Variants in TMEFF2 observed in about 807,000 individuals in gnomAD.
The protein encoded by TMEFF2 is tomoregulin-2.
Under a neutral mutation model 53.8 loss-of-function variants are expected in TMEFF2, and 28 were observed. The observed-to-expected ratio is 0.52, with a 90% CI of 0.39 to 0.71. The LOEUF (loss-of-function observed/expected upper bound fraction) is 0.71. TMEFF2 is among the 30% of genes least tolerant of loss of function. The pLI, the probability that TMEFF2 is intolerant of heterozygous loss-of-function variation, is 0.00. For missense variants in TMEFF2, 353 were observed against 455.2 expected, an observed-to-expected ratio of 0.78 and a Z score of 2.04; for synonymous variants, 162 against 166.3, an observed-to-expected ratio of 0.97 and a Z score of 0.20.
chr2:191,953,610 G>A, intron 9 of TMEFF2, 69 bp downstream of exon 9: 4 of 1,554,006 alleles, frequency 2.6e-6, no homozygotes, highest in Non-Finnish European at 3.5e-6. Context: ...CACCTCGGAG[G>A]GATCTGATTA....
At chr2:192,003,717 T>C (rs1247968514) in intron 5 of TMEFF2, among the ~76,000 whole-genome samples, 1 of 152,200 alleles carries the variant, frequency 6.6e-6, no homozygotes, top group African/African-American at 2.4e-5. Flanking sequence ...ACATGAAAAC[T>C]AATATTTACA....
intron 5 of TMEFF2, chr2:192,028,653 T>C (rs190862702): frequency 1.3e-5 from 2 of 152,102 alleles, no homozygotes. Context: ...TAGGCAGAGT[T>C]GGTAGAATGC....
chr2:192,103,737 T>C (rs948694897), intron 4 of TMEFF2, among the ~76,000 whole-genome samples: 17 of 151,990 alleles, frequency 1.1e-4, no homozygotes, highest in Middle Eastern at 3.4e-3. Flanking sequence ...ATCAAAGCAA[T>C]GGTGGGGTCA....
chr2:191,998,327 T>C lies in TMEFF2; in HGVS notation c.686-6A>G. ...AGTAGTTGTAGTTGTGTTATCTGTG[T>C]TAAAAAATTAACAATAAAAATTGAT... On this transcript the variant is annotated splice_region_variant and splice_polypyrimidine_tract_variant and intron_variant, in intron 6 of 9. Coordinates refer to ENST00000272771, the MANE Select transcript of TMEFF2 (RefSeq NM_016192.4). 1 of 1,589,264 alleles carries C rather than the reference T, an allele frequency of 6.3e-7. No homozygotes were observed. Among genetic ancestry groups the C allele is most frequent in the East Asian group, 2.3e-5 (1 of 44,100 alleles).
chr2:192,193,757 TA>T (rs1215880854), intron 1 of TMEFF2, among the ~76,000 whole-genome samples: 3 of 26,632 alleles, frequency 1.1e-4, no homozygotes, highest in African/African-American at 3.2e-4. Context: ...GAGAGATAGA[TA>T]GATAGAGAGA....
chr2:192,189,094 T>C (rs4458153), intron 2 of TMEFF2, among the ~76,000 whole-genome samples: 96,083 of 152,014 alleles, frequency 0.63, 30,597 homozygotes, highest in Non-Finnish European at 0.66. Context: ...GATAATATGT[T>C]TGAAGGACAG....
intron 5 of TMEFF2, among the ~76,000 whole-genome samples, chr2:192,056,980 G>C (rs1183850999): frequency 6.6e-6 from 1 of 152,168 alleles, no homozygotes; most frequent in Non-Finnish European, 1.5e-5. Context: ...AAGCTACCCA[G>C]TTTATGGTAT....
intron 9 of TMEFF2, among the ~76,000 whole-genome samples, 177 bp downstream of exon 9, chr2:191,953,502 A>G (rs141225934): frequency 1.1e-3 from 168 of 152,312 alleles, no homozygotes; most frequent in Non-Finnish European, 1.7e-3. Flanking sequence ...TACCACCCCA[A>G]TATGCTATTG....
intron 6 of TMEFF2, 30 bp from the exon 7 acceptor site, chr2:191,998,351 A>C: frequency 6.9e-7 from 1 of 1,449,220 alleles, no homozygotes; most frequent in South Asian, 1.2e-5. Context: ...ATAAAAATTG[A>C]TTAACTGCTT....
At chr2:192,007,334 G>A (rs1385909547) in intron 5 of TMEFF2, among the ~76,000 whole-genome samples, 1 of 152,180 alleles carries the variant, frequency 6.6e-6, no homozygotes, top group East Asian at 1.9e-4. Flanking sequence ...TGGCAGAAAA[G>A]GGGGTGAAAT....
intron 4 of TMEFF2, among the ~76,000 whole-genome samples, chr2:192,075,310 T>TAAATATATATATATAAATATAA (rs1420069208): frequency 1.1e-4 from 8 of 74,914 alleles, no homozygotes; most frequent in Non-Finnish European, 1.9e-4. Context: ...TATATATATA[T>TAAATATATATATATAAATATAA]ATATATATAT....
At chr2:192,146,457 T>G (rs1279252484) in intron 4 of TMEFF2, among the ~76,000 whole-genome samples, 2 of 152,064 alleles carry the variant, frequency 1.3e-5, no homozygotes, top group African/African-American at 4.8e-5. Flanking sequence ...GATAATTATT[T>G]TAGATTTTTA....
intron 5 of TMEFF2, chr2:192,029,003 T>G (rs934622903): frequency 3.3e-5 from 5 of 152,136 alleles, no homozygotes; most frequent in African/African-American, 1.2e-4. Flanking sequence ...CTTTTTGAAC[T>G]AGGGACTTCA....
intron 7 of TMEFF2, among the ~76,000 whole-genome samples, chr2:191,969,683 C>A (rs1331661668): frequency 6.6e-6 from 1 of 152,046 alleles, no homozygotes; most frequent in Non-Finnish European, 1.5e-5. Flanking sequence ...TTGTGTAGAT[C>A]TGAATTAATT....
In TMEFF2 at chr2:191,956,245, A is replaced by G; in HGVS notation, c.869+10T>C. The G allele has an allele frequency of 6.2e-6, 10 of 1,602,664 alleles. No homozygotes were observed. Among genetic ancestry groups the G allele is most frequent in the Non-Finnish European group, 8.5e-6 (10 of 1,176,396 alleles). ...TATACATTAACTATTCTTGCGAGTA[A>G]AAATGTTACCTGCAAGATGGCTCCT... On this transcript the variant is annotated intron_variant, in intron 8 of 9. Transcript: ENST00000272771.
intron 4 of TMEFF2, among the ~76,000 whole-genome samples, chr2:192,131,062 T>C: frequency 6.7e-6 from 1 of 149,970 alleles, no homozygotes; most frequent in East Asian, 2.0e-4. Flanking sequence ...AAGGGGCAAG[T>C]ACCCCAACCC....
At chr2:192,119,468 C>G (rs1320295684) in intron 4 of TMEFF2, among the ~76,000 whole-genome samples, 1 of 152,136 alleles carries the variant, frequency 6.6e-6, no homozygotes, top group Admixed American at 6.5e-5. Flanking sequence ...ATATTTGTCA[C>G]TTGGAAGGAA....
chr2:191,970,218 C>CT (rs767660458), intron 7 of TMEFF2, among the ~76,000 whole-genome samples: 213 of 151,204 alleles, frequency 1.4e-3, no homozygotes, highest in Non-Finnish European at 2.3e-3. Flanking sequence ...CCCAGCATTA[C>CT]TTTTTTTTTC....
At chr2:192,176,526 T>A (rs1032118925) in intron 4 of TMEFF2, among the ~76,000 whole-genome samples, 3 of 151,304 alleles carry the variant, frequency 2.0e-5, no homozygotes, top group African/African-American at 7.3e-5. Flanking sequence ...AGAGAATGCA[T>A]CTTTGTGGGT....
Sources: allele counts gnomAD v4.1 joint callset (sites outside exome capture counted in the v4.1 genomes callset), GRCh38; gene constraint gnomAD v4.1.1; transcripts MANE v1.5; gene names NCBI Gene and HGNC (gene_info 2026-07-23, HGNC 2026-07-21).